The following PGS1 variants were observed in gnomAD, a reference collection of about 807,000 sequenced individuals.
PGS1 encodes CDP-diacylglycerol--glycerol-3-phosphate 3-phosphatidyltransferase, mitochondrial.
PGS1 carries 44 observed loss-of-function variants against 58.3 expected under a neutral mutation model. That is an observed-to-expected ratio of 0.75 (90% confidence interval 0.59 to 0.97). PGS1 has a LOEUF of 0.97. PGS1 is among the 50% of genes least tolerant of loss of function. PGS1 has a pLI of 0.00. For missense variants in PGS1, 684 were observed against 731.1 expected, an observed-to-expected ratio of 0.94 and a Z score of 0.74; for synonymous variants, 330 against 311.0, an observed-to-expected ratio of 1.06 and a Z score of -0.64.
At chr17:78,382,736 G>C (rs2082123052) in intron 1 of PGS1, 1 of 137,276 alleles carries the variant, frequency 7.3e-6, no homozygotes, top group African/African-American at 2.8e-5. Flanking sequence ...TCCGCCTCCC[G>C]GGTTCAAGCG....
At position 78,394,218 on chromosome 17, in the gene PGS1, G is replaced by A. The variant is rs181142201; in HGVS notation, c.333+1553G>A. On this transcript the variant is annotated intron_variant, in intron 2 of 9. Coordinates refer to ENST00000262764, the MANE Select transcript of PGS1 (RefSeq NM_024419.5). ...AAAAAAAGAATGAAGGTCTGATGGG[G>A]CCAGGCAAGCAGGTAGAATGCTGAG... is the stretch of plus-strand genomic sequence containing the variant. Among the ~76,000 whole-genome samples the A allele has an allele frequency of 1.4e-4, 21 of 150,910 alleles. No individual in the cohort carries two copies. In the East Asian group the frequency reaches 3.5e-3, roughly 25 times the overall value.
rs764141220 is a variant in PGS1, at chr17:78,419,512, C to G, written c.1552-34C>G. ...CCATGTGGTGTGGTGCTGGAGGGGA[C>G]TCCTCACTATTCCTGTCTGTTCCTC... is the stretch of plus-strand genomic sequence containing the variant. On this transcript the variant is annotated intron_variant, in intron 8 of 9. Transcript: ENST00000262764. 6 of 1,590,982 alleles carry G rather than the reference C, an allele frequency of 3.8e-6. No individual in the cohort carries two copies. In the South Asian group the frequency reaches 4.4e-5, roughly 12 times the overall value.
At chr17:78,382,205 G>C (rs1188262806) in intron 1 of PGS1, among the ~76,000 whole-genome samples, 1 of 152,178 alleles carries the variant, frequency 6.6e-6, no homozygotes, top group Non-Finnish European at 1.5e-5. Context: ...ACCATTTCCA[G>C]GAGCTGACTA....
At chr17:78,390,393 C>A (rs1378003337) in intron 1 of PGS1, among the ~76,000 whole-genome samples, 11 of 152,110 alleles carry the variant, frequency 7.2e-5, no homozygotes, top group African/African-American at 2.7e-4. Flanking sequence ...TTCCAGGATC[C>A]ACAGAGGCAG....
chr17:78,421,867 ACT>A (rs1568016043), intron 9 of PGS1: 1 of 152,016 alleles, frequency 6.6e-6, no homozygotes, highest in Non-Finnish European at 1.5e-5. Context: ...AGCCTCCCTA[ACT>A]CTGCAAAGCA....
At chr17:78,410,462 C>CTTTTTTTTTTT (rs572547320) in intron 7 of PGS1, among the ~76,000 whole-genome samples, 2 of 73,532 alleles carry the variant, frequency 2.7e-5, no homozygotes, top group African/African-American at 5.3e-5. Context: ...AACTTCAGAG[C>CTTTTTTTTTTT]TTTTTTTTTT....
intron 6 of PGS1, among the ~76,000 whole-genome samples, chr17:78,402,813 T>C (rs74833757): frequency 0.064 from 9,756 of 152,326 alleles, 412 homozygotes; most frequent in South Asian, 0.12. Context: ...CTGTTGTTTC[T>C]TTCCCCTGTC....
intron 7 of PGS1, among the ~76,000 whole-genome samples, chr17:78,411,747 G>A (rs2084713456): frequency 6.6e-6 from 1 of 152,128 alleles, no homozygotes; most frequent in Non-Finnish European, 1.5e-5. Flanking sequence ...GCCTTGGACT[G>A]GGAAACAGAT....
intron 6 of PGS1, among the ~76,000 whole-genome samples, chr17:78,401,997 C>G (rs904424544): frequency 1.3e-5 from 2 of 152,242 alleles, no homozygotes; most frequent in East Asian, 1.9e-4. Context: ...CGGGGAGACT[C>G]GAGCCCAGCT....
chr17:78,382,600 A>G (rs966093067), intron 1 of PGS1: 1 of 145,794 alleles, frequency 6.9e-6, no homozygotes, highest in African/African-American at 2.6e-5. Flanking sequence ...GATGCTTCAG[A>G]TAGGGTTTTT....
chr17:78,399,226 T>C, intron 4 of PGS1, 122 bp from the exon 5 acceptor site: 1 of 720,250 alleles, frequency 1.4e-6, no homozygotes, highest in Non-Finnish European at 2.4e-6. Context: ...TAGCCCCAGC[T>C]GGTGTGACTG....
At chr17:78,413,556 C>A (rs1372679864) in intron 7 of PGS1, among the ~76,000 whole-genome samples, 1 of 152,212 alleles carries the variant, frequency 6.6e-6, no homozygotes, top group Admixed American at 6.5e-5. Context: ...CCCTCCCTCA[C>A]ACCTGCTCAC....
chr17:78,401,792 G>A (rs1203327842), intron 6 of PGS1, among the ~76,000 whole-genome samples: 2 of 152,220 alleles, frequency 1.3e-5, no homozygotes, highest in Non-Finnish European at 2.9e-5. Context: ...GTGGAGCTCT[G>A]TATCTCTCTT....
chr17:78,392,232 C>T (rs2082887417), intron 1 of PGS1, among the ~76,000 whole-genome samples: 1 of 152,200 alleles, frequency 6.6e-6, no homozygotes, highest in Admixed American at 6.5e-5. Flanking sequence ...GGTATTGACA[C>T]TTCTCAAGTT....
chr17:78,424,030 T>G, intron 9 of PGS1, 31 bp from the exon 10 acceptor site: 1 of 1,614,028 alleles, frequency 6.2e-7, no homozygotes, highest in Non-Finnish European at 8.5e-7. Flanking sequence ...GGGACACTCA[T>G]AGATGTTCTT....
chr17:78,416,276 T>C lies in PGS1; in HGVS notation c.1551+1249T>C, dbSNP rs571136529. On this transcript the variant is annotated intron_variant, in intron 8 of 9. Transcript: ENST00000262764. ...CCCACAAGCTGAGAGATTCCAGTAA[T>C]AGGGTGACAAGCTGGCCTTGGAGCC... is the stretch of plus-strand genomic sequence containing the variant. 2.0e-5 allele frequency among the ~76,000 whole-genome samples: 3 copies of C among 152,294 alleles called. No individual in the cohort carries two copies. In the South Asian group the frequency reaches 6.2e-4, roughly 32 times the overall value.
At chr17:78,381,966 C>A (rs79971851) in intron 1 of PGS1, among the ~76,000 whole-genome samples, 2,854 of 152,174 alleles carry the variant, frequency 0.019, 85 homozygotes, top group African/African-American at 0.066. Context: ...AGACACAGCC[C>A]CACCTCCAAG....
At chr17:78,404,723 C>T (rs757713392) in intron 7 of PGS1, among the ~76,000 whole-genome samples, 11 of 151,450 alleles carry the variant, frequency 7.3e-5, no homozygotes, top group Middle Eastern at 3.2e-3. Flanking sequence ...TGCAATGGTG[C>T]GATCTTGGCT....
intron 1 of PGS1, among the ~76,000 whole-genome samples, chr17:78,381,711 C>T (rs536694922): frequency 1.2e-4 from 19 of 152,270 alleles, no homozygotes; most frequent in African/African-American, 4.6e-4. Context: ...TGTTGGAGGG[C>T]CAGTGAACCC....
Sources: allele counts gnomAD v4.1 joint callset (sites outside exome capture counted in the v4.1 genomes callset), GRCh38; gene constraint gnomAD v4.1.1; transcripts MANE v1.5; gene names NCBI Gene and HGNC (gene_info 2026-07-23, HGNC 2026-07-21).